PRKAG2: variants seen among roughly 807,000 people sequenced by gnomAD.
PRKAG2 encodes 5'-AMP-activated protein kinase subunit gamma-2.
PRKAG2 carries 26 observed loss-of-function variants against 69.6 expected under a neutral mutation model. The ratio of observed to expected loss-of-function variants is 0.37; its 90% CI spans 0.27 to 0.52. The LOEUF (loss-of-function observed/expected upper bound fraction) is 0.52, where lower values mean the gene tolerates loss of function less well. Among genes scored for constraint, PRKAG2 ranks in the 20% least tolerant of loss-of-function variants. The probability of loss-of-function intolerance (pLI) is 0.90; values close to 1 mark genes in which losing one functional copy is unlikely to be tolerated. For missense variants in PRKAG2, 557 were observed against 740.0 expected (o/e 0.75, Z 2.87); for synonymous variants, 293 against 285.0 (o/e 1.03, Z -0.28).
intron 3 of PRKAG2, among the ~76,000 whole-genome samples, chr7:151,704,861 C>T (rs148975681): frequency 2.6e-3 from 401 of 152,234 alleles, no homozygotes; most frequent in African/African-American, 9.2e-3. Flanking sequence ...CTCAGCGGTG[C>T]GGCAGGTTTT....
chr7:151,746,578 A>T (rs919045378), intron 3 of PRKAG2, among the ~76,000 whole-genome samples: 1 of 152,250 alleles, frequency 6.6e-6, no homozygotes, highest in African/African-American at 2.4e-5. Flanking sequence ...GGACATGGCC[A>T]TTCTCTGTCC....
intron 6 of PRKAG2, among the ~76,000 whole-genome samples, chr7:151,582,760 GC>G (rs1471516712): frequency 1.4e-4 from 22 of 152,172 alleles, no homozygotes; most frequent in Non-Finnish European, 2.8e-4. Context: ...TTTTCTGATG[GC>G]CTCAAGCACC....
intron 3 of PRKAG2, among the ~76,000 whole-genome samples, chr7:151,767,550 C>A (rs2075801648): frequency 6.6e-6 from 1 of 152,244 alleles, no homozygotes; most frequent in Non-Finnish European, 1.5e-5. Flanking sequence ...CTTGGCCTTC[C>A]AAAGTGCTGG....
chr7:151,776,347 G>C (rs1263118754), intron 3 of PRKAG2, among the ~76,000 whole-genome samples: 1 of 152,174 alleles, frequency 6.6e-6, no homozygotes, highest in Non-Finnish European at 1.5e-5. Context: ...TGGTGTAACC[G>C]GGCTGTAACA....
chr7:151,832,888 C>T (rs562819195), intron 1 of PRKAG2, among the ~76,000 whole-genome samples: 3 of 152,304 alleles, frequency 2.0e-5, no homozygotes, highest in South Asian at 2.1e-4. Context: ...CCTGACCCCA[C>T]GTTGCAGGAC....
At chr7:151,830,425 A>T (rs2078997325) in intron 1 of PRKAG2, among the ~76,000 whole-genome samples, 1 of 151,886 alleles carries the variant, frequency 6.6e-6, no homozygotes, top group Non-Finnish European at 1.5e-5. Context: ...GAGGCCGAGG[A>T]GAGAAATAAG....
At chr7:151,589,376 T>C (rs1812487060) in intron 6 of PRKAG2, among the ~76,000 whole-genome samples, 1 of 152,190 alleles carries the variant, frequency 6.6e-6, no homozygotes. Flanking sequence ...CACAGCATCA[T>C]GGTGAAACAT....
In PRKAG2 at chr7:151,813,386, G is replaced by A. The variant is rs527814849; in HGVS notation, c.115-26845C>T. The stretch of plus-strand genomic sequence containing the variant: ...AGAATCAAGCCTCCCCCCAGGAGGG[G>A]GGTCAAGCGACCCCCAGGTCACTCC... On this transcript the variant is annotated intron_variant, in intron 1 of 15. Transcript: ENST00000287878. Among the ~76,000 whole-genome samples, 8 of 151,868 alleles carry A rather than the reference G, an allele frequency of 5.3e-5. No individual in the cohort carries two copies. In the East Asian group the frequency reaches 1.6e-3, roughly 29 times the overall value.
rs1372410098 is a variant in PRKAG2 at position 151,568,834 on chromosome 7, T to A, written c.1115A>T (p.Asp372Val). 2.5e-6 allele frequency: 4 copies of A among 1,613,872 alleles called. No individual in the cohort carries two copies. Among genetic ancestry groups the A allele is most frequent in the Non-Finnish European group, 3.4e-6 (4 of 1,179,864 alleles). ...VNISPDASLF[D>V]AVYSLIKNKI... ...ATTTTTGATCAAGGAGTATACAGCA[T>A]CGAAGAGGCTGTGGGAGAAGTCATT... Residue 372 changes from aspartate (D) to valine (V), a missense_variant, in exon 11 of 16, where the codon GAT becomes GTT. Asp to Val is a radical substitution (Grantham distance 152, BLOSUM62 -3). This residue lies in a region of PRKAG2 where 205 missense variants were observed against 383.4 expected (regional missense o/e 0.53). Transcript: ENST00000287878.
At chr7:151,832,568 C>T (rs113582339) in intron 1 of PRKAG2, among the ~76,000 whole-genome samples, 23,275 of 146,086 alleles carry the variant, frequency 0.16, 1,990 homozygotes, top group South Asian at 0.32. Context: ...TCCCCTGGGG[C>T]TGGTCTGCTG....
chr7:151,876,525 C>A lies in PRKAG2; in HGVS notation c.96G>T (p.Ser32=). The change falls in exon 1 of 16, where the codon TCG becomes TCT. Residue 32 remains serine, a synonymous_variant. Transcript: ENST00000287878. ...GACTCACCGGAATGTGCACGCGCAG[C>A]GAACGCCTCTTCTGGCTGGCATTTT... ...GKKNASQKRR[S]LRVHIPDLSS... is the part of the protein sequence containing the mutation. 6.2e-7 allele frequency: 1 copy of A among 1,607,590 alleles called. No homozygotes were observed. The highest frequency in any genetic ancestry group is 2.2e-5 in the East Asian group (1 of 44,850).
At chr7:151,824,335 C>T (rs372521244) in intron 1 of PRKAG2, among the ~76,000 whole-genome samples, 29 of 152,324 alleles carry the variant, frequency 1.9e-4, no homozygotes, top group African/African-American at 6.7e-4. Flanking sequence ...TGGTTCCTGA[C>T]TTCCACATTC....
At chr7:151,675,280 T>A in intron 4 of PRKAG2, 140 bp downstream of exon 4, 2 of 865,824 alleles carry the variant, frequency 2.3e-6, no homozygotes, top group South Asian at 2.9e-5. Flanking sequence ...AGCCTGTGAT[T>A]TATGGTACAA....
chr7:151,752,304 G>A (rs1432748134), intron 3 of PRKAG2, among the ~76,000 whole-genome samples: 3 of 152,184 alleles, frequency 2.0e-5, no homozygotes, highest in Non-Finnish European at 4.4e-5. Flanking sequence ...CACAGGAACA[G>A]AAAACCAAGT....
At chr7:151,566,637 A>G in intron 11 of PRKAG2, 1 of 442,586 alleles carries the variant, frequency 2.3e-6, no homozygotes, top group South Asian at 1.6e-5. Context: ...GGAAAAGATG[A>G]ACAATTAGAA....
intron 3 of PRKAG2, among the ~76,000 whole-genome samples, chr7:151,757,224 C>T (rs2075149778): frequency 6.6e-6 from 1 of 152,164 alleles, no homozygotes; most frequent in Admixed American, 6.5e-5. Flanking sequence ...CCACACAAAG[C>T]ACAAAACCTT....
At chr7:151,853,653 C>G (rs139019402) in intron 1 of PRKAG2, among the ~76,000 whole-genome samples, 1 of 150,764 alleles carries the variant, frequency 6.6e-6, no homozygotes, top group Non-Finnish European at 1.5e-5. Flanking sequence ...CCAGCTACTC[C>G]GGAGGCTGAG....
At position 151,820,888 on chromosome 7, in the gene PRKAG2, C is replaced by G. The variant is rs1358543204; in HGVS notation, c.115-34347G>C. Among the ~76,000 whole-genome samples the G allele has an allele frequency of 2.9e-5, 4 of 139,930 alleles. No homozygotes were observed. In the Admixed American group the frequency reaches 2.9e-4, roughly 10 times the overall value. 91.8% of individuals were successfully genotyped at this position (139,930 alleles called of 152,430 possible). On this transcript the variant is annotated intron_variant, in intron 1 of 15. Coordinates refer to ENST00000287878, the MANE Select transcript of PRKAG2 (RefSeq NM_016203.4). Reference sequence around the variant, plus strand: ...CCTGCCCTAGCAGCTCTCAGTGGCCCATCACCACTCCCGCTCTCTCTCTCG... The same window carrying G: ...CCTGCCCTAGCAGCTCTCAGTGGCCGATCACCACTCCCGCTCTCTCTCTCG...
chr7:151,561,923 A>G (rs1000840000), intron 14 of PRKAG2, among the ~76,000 whole-genome samples: 2 of 129,462 alleles, frequency 1.5e-5, no homozygotes, highest in African/African-American at 6.4e-5. Context: ...ACAGAGCGAG[A>G]CTGTGTCTTA....
Sources: allele counts gnomAD v4.1 joint callset (sites outside exome capture counted in the v4.1 genomes callset), GRCh38; gene constraint gnomAD v4.1.1; regional missense constraint gnomAD v4.1.1; transcripts MANE v1.5; gene names NCBI Gene and HGNC (gene_info 2026-07-23, HGNC 2026-07-21).